CLDN14: variants seen among roughly 807,000 people sequenced by gnomAD.
CLDN14 encodes claudin-14.
Under a neutral mutation model 2.1 loss-of-function variants are expected in CLDN14, and 2 were observed. The ratio of observed to expected loss-of-function variants is 0.96; its 90% CI spans 0.39 to 3.01. The LOEUF (loss-of-function observed/expected upper bound fraction) is 3.01. Among genes scored for constraint, CLDN14 ranks in the 30% most tolerant of loss-of-function variants. The probability of loss-of-function intolerance (pLI) is 0.09; values close to 1 mark genes in which losing one functional copy is unlikely to be tolerated. For missense variants in CLDN14, 298 were observed against 328.0 expected, an observed-to-expected ratio of 0.91 and a Z score of 0.71; for synonymous variants, 136 against 154.4, an observed-to-expected ratio of 0.88 and a Z score of 0.88.
chr21:36,529,409 C>T (rs946225136), intron 1 of CLDN14, among the ~76,000 whole-genome samples: 1 of 152,106 alleles, frequency 6.6e-6, no homozygotes, highest in African/African-American at 2.4e-5. Context: ...CTGCCTCAGC[C>T]TCTCGAGTAG....
intron 1 of CLDN14, among the ~76,000 whole-genome samples, chr21:36,517,648 G>A (rs1037889194): frequency 1.6e-4 from 24 of 152,296 alleles, no homozygotes; most frequent in Non-Finnish European, 3.4e-4. Context: ...GGCAATGTTG[G>A]ATACAGTCCT....
intron 1 of CLDN14, chr21:36,531,903 C>T (rs1033593395): frequency 2.0e-5 from 3 of 152,020 alleles, no homozygotes; most frequent in African/African-American, 2.4e-5. Context: ...AGTCTAGATT[C>T]GCCTAGTTTA....
intron 1 of CLDN14, among the ~76,000 whole-genome samples, chr21:36,558,873 T>C (rs188077218): frequency 6.6e-6 from 1 of 152,252 alleles, no homozygotes; most frequent in African/African-American, 2.4e-5. Flanking sequence ...TGTCTGGAGT[T>C]ATATTTTGAT....
chr21:36,573,028 G>A lies in CLDN14; in HGVS notation c.-220+3383C>T, dbSNP rs934093675. Among the ~76,000 whole-genome samples, 7 of 152,216 alleles carry A rather than the reference G, an allele frequency of 4.6e-5. No homozygotes were observed. In the East Asian group the frequency reaches 5.8e-4, roughly 13 times the overall value. On this transcript the variant is annotated intron_variant, in intron 1 of 2. Transcript: ENST00000342108. Reference sequence around the variant, plus strand: ...GTAAGAATTGGAGGGGAGGCCGGGCGTGGTGGCTCACGCCTGTAATCCCAG... The same window carrying A: ...GTAAGAATTGGAGGGGAGGCCGGGCATGGTGGCTCACGCCTGTAATCCCAG...
chr21:36,555,806 A>AGTGTGTGTGTGTGT (rs142473999), intron 1 of CLDN14, among the ~76,000 whole-genome samples: 1 of 143,340 alleles, frequency 7.0e-6, no homozygotes, highest in African/African-American at 2.6e-5. Context: ...TCTATAGGTC[A>AGTGTGTGTGTGTGT]GTGTGTGTGT....
At chr21:36,486,260 C>T (rs1297950399) in intron 2 of CLDN14, 4 of 826,904 alleles carry the variant, frequency 4.8e-6, no homozygotes, top group Non-Finnish European at 8.6e-6. Context: ...TAAGCAATCC[C>T]CTCTTCCTTA....
At chr21:36,493,131 G>A (rs1266105353) in intron 2 of CLDN14, among the ~76,000 whole-genome samples, 1 of 152,034 alleles carries the variant, frequency 6.6e-6, no homozygotes, top group African/African-American at 2.4e-5. Flanking sequence ...TTTTCTGCCC[G>A]CCCCCGGGGA....
intron 1 of CLDN14, among the ~76,000 whole-genome samples, chr21:36,573,187 G>A (rs2087720991): frequency 6.6e-6 from 1 of 151,772 alleles, no homozygotes; most frequent in Admixed American, 6.6e-5. Flanking sequence ...TGTAGTCCCA[G>A]CTACTCGGGA....
chr21:36,475,780 T>C (rs1321634924), intron 1 of CLDN14, among the ~76,000 whole-genome samples: 1 of 152,028 alleles, frequency 6.6e-6, no homozygotes, highest in Non-Finnish European at 1.5e-5. Context: ...GACAGAGTCT[T>C]GCTCTGTCAC....
At chr21:36,564,569 G>C (rs2087658947) in intron 1 of CLDN14, among the ~76,000 whole-genome samples, 1 of 152,194 alleles carries the variant, frequency 6.6e-6, no homozygotes, top group African/African-American at 2.4e-5. Flanking sequence ...TGTAATTCTA[G>C]AGTCAATTCC....
chr21:36,572,679 A>C (rs1170071004), intron 1 of CLDN14, among the ~76,000 whole-genome samples: 1 of 152,106 alleles, frequency 6.6e-6, no homozygotes, highest in Non-Finnish European at 1.5e-5. Context: ...GCTTTGGAAG[A>C]CCCTGGTCAA....
At chr21:36,488,220 C>CCTTCCTT (rs2086917554) in intron 2 of CLDN14, among the ~76,000 whole-genome samples, 11 of 97,238 alleles carry the variant, frequency 1.1e-4, no homozygotes, top group African/African-American at 4.2e-4. Flanking sequence ...ACTGTGATTC[C>CCTTCCTT]CCTTCCTTCC....
At chr21:36,471,522 G>A (rs1171491466) in intron 1 of CLDN14, among the ~76,000 whole-genome samples, 1 of 152,274 alleles carries the variant, frequency 6.6e-6, no homozygotes, top group African/African-American at 2.4e-5. Context: ...CAGGCTGGGT[G>A]TCTGGTTTTC....
intron 1 of CLDN14, among the ~76,000 whole-genome samples, chr21:36,553,558 A>G (rs564592655): frequency 7.2e-5 from 11 of 151,916 alleles, no homozygotes; most frequent in Admixed American, 5.9e-4. Context: ...CCCGCACCCC[A>G]TCTTGGCCCA....
chr21:36,491,473 G>C (rs142594367), intron 2 of CLDN14, among the ~76,000 whole-genome samples: 1 of 152,188 alleles, frequency 6.6e-6, no homozygotes, highest in East Asian at 1.9e-4. Context: ...AGCTTGACAC[G>C]ATCATTTTAA....
chr21:36,525,722 C>T (rs1367842026), intron 1 of CLDN14, among the ~76,000 whole-genome samples: 1 of 152,204 alleles, frequency 6.6e-6, no homozygotes, highest in East Asian at 1.9e-4. Context: ...AGCCGAGGCT[C>T]TGCCATTGAC....
Position 36,515,791 on chromosome 21 carries a change from T to C in CLDN14, c.-219-5291A>G, listed in dbSNP as rs112864362. ...GCTGTGTTTCCCTTTTATCTTCTCT[T>C]TTTTTTTTTTTTTGAGACAGAGTCT... On this transcript the variant is annotated intron_variant, in intron 1 of 2. Transcript: ENST00000342108. 1.6e-3 allele frequency among the ~76,000 whole-genome samples: 24 copies of C among 15,360 alleles called. 1 individual carries two copies. Among genetic ancestry groups the C allele is most frequent in the Non-Finnish European group, 0.01 (10 of 972 alleles). 10.1% of individuals were successfully genotyped at this position (15,360 alleles called of 152,430 possible). A position where few individuals can be genotyped will look rare whatever the true frequency, so the allele number is the denominator to read the frequency against.
At chr21:36,553,353 C>A (rs2146518725) in intron 1 of CLDN14, among the ~76,000 whole-genome samples, 1 of 152,256 alleles carries the variant, frequency 6.6e-6, no homozygotes, top group Middle Eastern at 3.4e-3. Context: ...AGGAGGGGGC[C>A]AGCTGCTCAG....
chr21:36,488,400 T>C (rs2086922382), intron 2 of CLDN14, among the ~76,000 whole-genome samples: 1 of 152,004 alleles, frequency 6.6e-6, no homozygotes, highest in South Asian at 2.1e-4. Flanking sequence ...GCCTCCCGAG[T>C]AGCTGGGATT....
Sources: gnomAD v4.1 joint callset for allele counts (sites outside exome capture counted in the v4.1 genomes callset) on GRCh38, gnomAD v4.1.1 for gene constraint, MANE v1.5 for transcripts, NCBI Gene and HGNC (gene_info 2026-07-23, HGNC 2026-07-21) for gene names.